The following ZNF516 variants were observed in gnomAD, a reference collection of about 807,000 sequenced individuals.
ZNF516 encodes zinc finger protein 516.
A neutral mutation model predicts 79.7 loss-of-function variants in ZNF516; 19 were observed. The ratio of observed to expected loss-of-function variants is 0.24; its 90% CI spans 0.17 to 0.35. ZNF516 has a LOEUF of 0.35. ZNF516 is among the 10% of genes least tolerant of loss of function. The pLI is 1.00. For missense variants in ZNF516, 1,678 were observed against 1,679.5 expected (o/e 1.00, Z 0.02); for synonymous variants, 877 against 739.5 (o/e 1.19, Z -3.02).
chr18:76,471,403 G>T (rs1382526859), intron 1 of ZNF516, among the ~76,000 whole-genome samples: 1 of 152,064 alleles, frequency 6.6e-6, no homozygotes, highest in Non-Finnish European at 1.5e-5. Context: ...CTGATTCCTG[G>T]GCCAACTCTC....
chr18:76,453,287 C>A (rs1040209342), intron 2 of ZNF516, among the ~76,000 whole-genome samples: 13 of 152,148 alleles, frequency 8.5e-5, no homozygotes, highest in Admixed American at 5.9e-4. Context: ...ATCTTGTCAA[C>A]ATTTCCATTA....
At chr18:76,398,864 A>C (rs1458286417) in intron 3 of ZNF516, among the ~76,000 whole-genome samples, 1 of 152,232 alleles carries the variant, frequency 6.6e-6, no homozygotes, top group Non-Finnish European at 1.5e-5. Flanking sequence ...GTCCAAAAAC[A>C]CAGAATCCAA....
chr18:76,492,841 G>T, intron 1 of ZNF516: 1 of 985,994 alleles, frequency 1.0e-6, no homozygotes. Context: ...GGGCTGCTGC[G>T]TGCCCATGTA....
chr18:76,357,928 G>A lies in ZNF516; in HGVS notation c.*4570C>T, dbSNP rs590218. Among the ~76,000 whole-genome samples the A allele has an allele frequency of 0.7, 106,636 of 151,980 alleles. 41,888 individuals are homozygous for A. Among genetic ancestry groups the A allele is most frequent in the South Asian group, 0.87 (4,185 of 4,822 alleles). On this transcript the variant is annotated 3_prime_UTR_variant, in exon 7 of 7. Coordinates refer to ENST00000443185, the MANE Select transcript of ZNF516 (RefSeq NM_014643.4). ...GGGAAATAACATGTGTGCTGTGAAA[G>A]AAAATGAGAAAAACACAGCGTCTCC...
intron 6 of ZNF516, 22 bp downstream of exon 6, chr18:76,370,506 T>A: frequency 6.3e-7 from 1 of 1,588,666 alleles, no homozygotes; most frequent in Non-Finnish European, 8.6e-7. Context: ...AACCCAGACA[T>A]CCAATTCATC....
At chr18:76,403,662 C>A (rs575109918) in intron 3 of ZNF516, among the ~76,000 whole-genome samples, 19 of 152,216 alleles carry the variant, frequency 1.2e-4, no homozygotes, top group African/African-American at 4.6e-4. Context: ...AGAAAACAGG[C>A]GCATGTTTGG....
At chr18:76,441,137 G>A (rs954928222) in intron 3 of ZNF516, 108 bp downstream of exon 3, 2 of 1,422,654 alleles carry the variant, frequency 1.4e-6, no homozygotes, top group South Asian at 1.5e-5. Context: ...AAGGGCCACC[G>A]GGTAAGGGGC....
At chr18:76,439,763 A>G (rs1423100449) in intron 3 of ZNF516, among the ~76,000 whole-genome samples, 3 of 152,040 alleles carry the variant, frequency 2.0e-5, no homozygotes, top group Non-Finnish European at 4.4e-5. Context: ...AAGTGAAAAG[A>G]AAAAAAACCC....
At chr18:76,429,931 G>A (rs2075641204) in intron 3 of ZNF516, among the ~76,000 whole-genome samples, 1 of 152,190 alleles carries the variant, frequency 6.6e-6, no homozygotes, top group Non-Finnish European at 1.5e-5. Context: ...TCTAAGTGGA[G>A]TGTAGGCTAT....
intron 1 of ZNF516, among the ~76,000 whole-genome samples, chr18:76,480,666 G>A (rs1031919615): frequency 5.9e-5 from 9 of 152,106 alleles, no homozygotes; most frequent in Admixed American, 1.3e-4. Context: ...GGGATTACAG[G>A]CACCCGCCAC....
At chr18:76,443,243 C>T (rs1283859616) in intron 2 of ZNF516, 32 bp from the exon 3 acceptor site, 3 of 879,238 alleles carry the variant, frequency 3.4e-6, no homozygotes, top group Non-Finnish European at 3.3e-6. Flanking sequence ...ATCAGCAAAG[C>T]TCCTGGCTAA....
chr18:76,414,060 C>T (rs12960519), intron 3 of ZNF516, among the ~76,000 whole-genome samples: 3,095 of 152,108 alleles, frequency 0.02, 48 homozygotes, highest in Middle Eastern at 0.045. Flanking sequence ...TATCTTTTAC[C>T]CTTACTCAAA....
chr18:76,398,607 T>G (rs689885), intron 3 of ZNF516, among the ~76,000 whole-genome samples: 102,456 of 150,006 alleles, frequency 0.68, 35,203 homozygotes, highest in African/African-American at 0.82. Context: ...ACACTAGTTA[T>G]GAAGGAATGG....
rs1222213158 is a variant in ZNF516, at chr18:76,360,669, ATATATATAT to A, written c.*1820_*1828del. On this transcript the variant is annotated 3_prime_UTR_variant, in exon 7 of 7. Coordinates refer to ENST00000443185, the MANE Select transcript of ZNF516 (RefSeq NM_014643.4). ...AAAATATATATATATATATATATAT[ATATATATAT>A]AAGCTAGCCAGTTACATTGCATCGT... 1 of 135,132 alleles carries A rather than the reference ATATATATAT, an allele frequency of 7.4e-6. No individual in the cohort carries two copies. The allele number at this position is 135,132 out of a possible 1,614,324, so 8.4% of individuals were successfully genotyped here.
At position 76,467,138 on chromosome 18, in the gene ZNF516, G is replaced by GTCCCAGAGAGGAAAT. The variant is rs1913525987; in HGVS notation, c.-271-3998_-271-3997insATTTCCTCTCTGGGA. 6.7e-6 allele frequency among the ~76,000 whole-genome samples: 1 copy of GTCCCAGAGAGGAAAT among 150,102 alleles called. No homozygotes were observed. Among genetic ancestry groups the GTCCCAGAGAGGAAAT allele is most frequent in the African/African-American group, 2.5e-5 (1 of 40,382 alleles). Reference sequence around the variant, plus strand: ...TGGCAGGAAGTCCTGCGTGTCTCTCGGAACCTGCAGCTCACAGCCCTTCTG... The same window carrying GTCCCAGAGAGGAAAT: ...TGGCAGGAAGTCCTGCGTGTCTCTCGTCCCAGAGAGGAAATGAACCTGCAGCTCACAGCCCTTCTG... On this transcript the variant is annotated intron_variant, in intron 1 of 6. Transcript: ENST00000443185. This position sits in a 1 kb window ranked among gnomAD's most constrained non-coding sequence, Gnocchi z 4.2.
rs1009874131 is a variant in ZNF516 at position 76,441,784 on chromosome 18, C to A, written c.1271G>T (p.Arg424Leu). 14 of 1,559,268 alleles carry A rather than the reference C, an allele frequency of 9.0e-6. No homozygotes were observed. The highest frequency in any genetic ancestry group is 4.8e-5 in the East Asian group (2 of 41,912). ...CTCGGCCGGCTCGGCCACCTTACCC[C>A]GCGTGGCCAGCTGCCAGGCCTGGTA... ...NSYQAWQLAT[R>L]GKVAEPAEYL... Residue 424 changes from arginine (R) to leucine (L), a missense_variant, in exon 3 of 7, where the codon CGG becomes CTG. By Grantham distance (102) the Arg-to-Leu change is moderately radical. Transcript: ENST00000443185.
intron 3 of ZNF516, among the ~76,000 whole-genome samples, chr18:76,428,711 C>T (rs1223271576): frequency 6.6e-6 from 1 of 152,258 alleles, no homozygotes; most frequent in Admixed American, 6.5e-5. Flanking sequence ...CAAGCAAATA[C>T]ATTTTAAAGA....
Position 76,358,310 on chromosome 18 carries a change from C to G in ZNF516, c.*4188G>C, listed in dbSNP as rs1162100035. ...CTTTTTCAGAAATAGTTAAATACAT[C>G]AATCTAGTTACAAATTCTAATATAA... is the stretch of plus-strand genomic sequence containing the variant. On this transcript the variant is annotated 3_prime_UTR_variant, in exon 7 of 7. Transcript: ENST00000443185. 6.6e-6 allele frequency: 1 copy of G among 152,124 alleles called. No individual in the cohort carries two copies. The highest frequency in any genetic ancestry group is 1.5e-5 in the Non-Finnish European group (1 of 68,036). 9.4% of individuals were successfully genotyped at this position (152,124 alleles called of 1,614,324 possible).
intron 1 of ZNF516, among the ~76,000 whole-genome samples, chr18:76,483,006 A>G (rs1914617077): frequency 6.6e-6 from 1 of 152,220 alleles, no homozygotes; most frequent in Admixed American, 6.5e-5. Flanking sequence ...TCTTCTTAAG[A>G]AAAGAAAAAA....
Sources: gnomAD v4.1 joint callset for allele counts (sites outside exome capture counted in the v4.1 genomes callset) on GRCh38, gnomAD v4.1.1 for gene constraint, Gnocchi (gnomAD v3.1) non-coding constraint, MANE v1.5 for transcripts, NCBI Gene and HGNC (gene_info 2026-07-23, HGNC 2026-07-21) for gene names.